MRPS6: variants seen among roughly 807,000 people sequenced by gnomAD.
MRPS6 encodes the protein mitochondrial ribosomal protein S6.
MRPS6 carries 6 observed loss-of-function variants against 13.1 expected under a neutral mutation model. The ratio of observed to expected loss-of-function variants is 0.46; its 90% CI spans 0.25 to 0.91. The LOEUF is 0.91. Among genes scored for constraint, MRPS6 ranks in the 40% least tolerant of loss-of-function variants. The probability of loss-of-function intolerance (pLI) is 0.18; values close to 1 mark genes in which losing one functional copy is unlikely to be tolerated. For synonymous variants in MRPS6, 61 were observed against 56.5 expected, an observed-to-expected ratio of 1.08 and a Z score of -0.36; for missense variants, 164 against 155.6, an observed-to-expected ratio of 1.05 and a Z score of -0.29.
At chr21:34,103,973 G>T (rs1979361951) in intron 1 of MRPS6, 1 of 1,000,044 alleles carries the variant, frequency 1.0e-6, no homozygotes, top group African/African-American at 1.7e-5. Context: ...TGTGATTGGG[G>T]TTTTTTGTAA....
intron 1 of MRPS6, among the ~76,000 whole-genome samples, chr21:34,111,669 A>C (rs1042127812): frequency 6.6e-6 from 1 of 152,112 alleles, no homozygotes; most frequent in African/African-American, 2.4e-5. Context: ...TTGAGGAGAG[A>C]CACTGCTAAT....
intron 2 of MRPS6, among the ~76,000 whole-genome samples, chr21:34,136,634 T>C (rs544005757): frequency 6.6e-6 from 1 of 152,368 alleles, no homozygotes; most frequent in South Asian, 2.1e-4. Flanking sequence ...TCAAATCTTA[T>C]GACCATTGTT....
intron 1 of MRPS6, chr21:34,101,469 G>C: frequency 1.0e-6 from 1 of 1,000,048 alleles, no homozygotes; most frequent in Non-Finnish European, 1.2e-6. Flanking sequence ...AGGCATTTCA[G>C]TGTTGATAAT....
At chr21:34,077,638 A>C (rs1287605170) in intron 1 of MRPS6, among the ~76,000 whole-genome samples, 1 of 152,192 alleles carries the variant, frequency 6.6e-6, no homozygotes, top group African/African-American at 2.4e-5. Context: ...GGAAATCTTA[A>C]GTTCTTATTA....
rs1037997698 is a variant in MRPS6 at position 34,142,832 on chromosome 21, T to G, written c.*232T>G. On this transcript the variant is annotated 3_prime_UTR_variant, in exon 3 of 3. Transcript: ENST00000399312. ...CCAGTGGATCGTTCTTGATTTTGTT[T>G]TCATTAGTGTCATTTCTTTGTCATT... 2.2e-5 allele frequency: 8 copies of G among 371,514 alleles called. No individual in the cohort carries two copies. The highest frequency in any genetic ancestry group is 2.8e-5 in the Non-Finnish European group (6 of 212,568). 23.0% of individuals were successfully genotyped at this position (371,514 alleles called of 1,614,324 possible).
chr21:34,131,032 G>A (rs145618546), intron 2 of MRPS6, among the ~76,000 whole-genome samples: 71 of 152,314 alleles, frequency 4.7e-4, no homozygotes, highest in African/African-American at 1.6e-3. Context: ...TGTAGCACAT[G>A]GTCGAAGGTG....
At chr21:34,085,138 A>G (rs1978325128) in intron 1 of MRPS6, among the ~76,000 whole-genome samples, 1 of 152,194 alleles carries the variant, frequency 6.6e-6, no homozygotes, top group South Asian at 2.1e-4. Flanking sequence ...AGGATCATAT[A>G]TTTACTTGTT....
chr21:34,087,357 C>T (rs554436666), intron 1 of MRPS6, among the ~76,000 whole-genome samples: 12 of 152,178 alleles, frequency 7.9e-5, no homozygotes, highest in East Asian at 1.9e-4. Context: ...GTCTTGATGG[C>T]GAAGAACTTA....
At chr21:34,098,223 A>ATT in intron 1 of MRPS6, 1 of 998,988 alleles carries the variant, frequency 1.0e-6, no homozygotes, top group Non-Finnish European at 1.2e-6. Context: ...TAATCAGATG[A>ATT]TTACTCATAT....
Position 34,087,292 on chromosome 21 carries a change from C to G in MRPS6, c.45+13547C>G, listed in dbSNP as rs1455659615. On this transcript the variant is annotated intron_variant, in intron 1 of 2. Transcript: ENST00000399312. ...CCTTTAGCCTCTTTAATCTGCATCT[C>G]TTGTTGCTTAAAAAACCACTGTTGA... Among the ~76,000 whole-genome samples the G allele has an allele frequency of 5.3e-4, 12 of 22,578 alleles. No individual in the cohort carries two copies. In the East Asian group the frequency reaches 0.015, roughly 27 times the overall value. The allele number at this position is 22,578 out of a possible 152,430, so 14.8% of individuals were successfully genotyped here.
At chr21:34,100,202 A>G (rs1486329304) in intron 1 of MRPS6, 1 of 1,000,166 alleles carries the variant, frequency 1.0e-6, no homozygotes, top group Non-Finnish European at 1.2e-6. Context: ...ATGTCTTACC[A>G]GGTGTTAATG....
intron 1 of MRPS6, chr21:34,097,816 T>C (rs1979042342): frequency 1.0e-6 from 1 of 999,028 alleles, no homozygotes; most frequent in East Asian, 1.1e-4. Context: ...CAATCAGTTA[T>C]GTACTGAAAA....
chr21:34,083,239 T>C (rs1989499397), intron 1 of MRPS6, among the ~76,000 whole-genome samples: 1 of 152,146 alleles, frequency 6.6e-6, no homozygotes, highest in Non-Finnish European at 1.5e-5. Flanking sequence ...AGAAGTGCAG[T>C]GTTGTGGTTG....
chr21:34,099,202 C>T, intron 1 of MRPS6: 69 of 999,922 alleles, frequency 6.9e-5, no homozygotes, highest in Non-Finnish European at 8.2e-5. Flanking sequence ...ATTTTTTTCT[C>T]AATTTTATTC....
chr21:34,137,572 T>G (rs1980753895), intron 2 of MRPS6, among the ~76,000 whole-genome samples: 1 of 152,240 alleles, frequency 6.6e-6, no homozygotes. Flanking sequence ...CTTATCAGTC[T>G]AGGTACCTAT....
At chr21:34,109,918 TTACAG>T (rs1302168971) in intron 1 of MRPS6, among the ~76,000 whole-genome samples, 7 of 152,194 alleles carry the variant, frequency 4.6e-5, no homozygotes, top group Non-Finnish European at 8.8e-5. Flanking sequence ...AAAAATCTCT[TTACAG>T]TAGTTCTAGT....
intron 1 of MRPS6, chr21:34,097,103 A>G (rs780891690): frequency 1.4e-5 from 23 of 1,614,024 alleles, no homozygotes; most frequent in Non-Finnish European, 1.9e-5. Flanking sequence ...CCAATGGGCA[A>G]GCAGCTCTCA....
At position 34,142,404 on chromosome 21, in the gene MRPS6, G is replaced by A. The variant is rs777528855; in HGVS notation, c.186-4G>A. ...GACACTCACAAGTTTTTATTTTATT[G>A]CAGGTATTTCTTGGTGGATTTTTAT... is the stretch of plus-strand genomic sequence containing the variant. On this transcript the variant is annotated splice_polypyrimidine_tract_variant and splice_region_variant and intron_variant, in intron 2 of 2. Coordinates refer to ENST00000399312, the MANE Select transcript of MRPS6 (RefSeq NM_032476.4). 1.9e-6 allele frequency: 3 copies of A among 1,558,754 alleles called. No homozygotes were observed. In the African/African-American group the frequency reaches 4.2e-5, roughly 22 times the overall value.
intron 2 of MRPS6, among the ~76,000 whole-genome samples, chr21:34,125,791 A>G (rs1980284397): frequency 6.6e-6 from 1 of 152,214 alleles, no homozygotes; most frequent in African/African-American, 2.4e-5. Flanking sequence ...TGCCTTTAAA[A>G]TACCTTAGTG....
Sources: gnomAD v4.1 joint callset for allele counts (sites outside exome capture counted in the v4.1 genomes callset) on GRCh38, gnomAD v4.1.1 for gene constraint, MANE v1.5 for transcripts, NCBI Gene and HGNC (gene_info 2026-07-23, HGNC 2026-07-21) for gene names.